The following MGAT5 variants were observed in gnomAD, a reference collection of about 807,000 sequenced individuals.
The protein encoded by MGAT5 is alpha-1,6-mannosylglycoprotein 6-beta-N-acetylglucosaminyltransferase A.
MGAT5 carries 30 observed loss-of-function variants against 94.3 expected under a neutral mutation model. The ratio of observed to expected loss-of-function variants is 0.32; its 90% CI spans 0.24 to 0.43. MGAT5 has a LOEUF of 0.43. MGAT5 is among the 20% of genes least tolerant of loss of function. The pLI is 1.00. For synonymous variants in MGAT5, 310 were observed against 322.9 expected (o/e 0.96, Z 0.43); for missense variants, 691 against 905.5 (o/e 0.76, Z 3.04).
intron 1 of MGAT5, among the ~76,000 whole-genome samples, chr2:134,177,651 C>T (rs776196213): frequency 1.3e-5 from 2 of 152,162 alleles, no homozygotes; most frequent in Non-Finnish European, 2.9e-5. Flanking sequence ...TAATCTATTA[C>T]GCCTGGGCAT....
At chr2:134,315,305 C>T (rs1686935224) in intron 2 of MGAT5, among the ~76,000 whole-genome samples, 2 of 152,174 alleles carry the variant, frequency 1.3e-5, no homozygotes, top group African/African-American at 4.8e-5. Flanking sequence ...CAACCCCAGG[C>T]TCTCATAGAC....
chr2:134,374,209 C>T (rs1268923035), intron 10 of MGAT5, among the ~76,000 whole-genome samples: 2 of 152,154 alleles, frequency 1.3e-5, no homozygotes, highest in African/African-American at 4.8e-5. Flanking sequence ...GGAAGTCTGA[C>T]CTCTTTCCGG....
Position 134,189,597 on chromosome 2 carries a change from T to G in MGAT5, c.-142-64665T>G, listed in dbSNP as rs374772456. 5.6e-4 allele frequency among the ~76,000 whole-genome samples: 49 copies of G among 87,192 alleles called. 3 individuals are homozygous for G. Among genetic ancestry groups the G allele is most frequent in the African/African-American group, 2.1e-3 (45 of 21,628 alleles). 57.2% of individuals were successfully genotyped at this position (87,192 alleles called of 152,430 possible). ...TGACTAACCTCATGGCTCTAGTTTTTTTTTGTTTTTTTTTTTTTTTTTTAA... is the reference window on the plus strand; with the variant it reads ...TGACTAACCTCATGGCTCTAGTTTTGTTTTGTTTTTTTTTTTTTTTTTTAA... On this transcript the variant is annotated intron_variant, in intron 1 of 16. Coordinates refer to the MGAT5 transcript ENST00000409645.
At chr2:134,398,788 G>A (rs1682862803) in intron 10 of MGAT5, among the ~76,000 whole-genome samples, 1 of 152,158 alleles carries the variant, frequency 6.6e-6, no homozygotes, top group Non-Finnish European at 1.5e-5. Context: ...GGATGGAGCT[G>A]GAGATCATTA....
chr2:134,284,882 A>G (rs1684911514), intron 2 of MGAT5, among the ~76,000 whole-genome samples: 1 of 152,178 alleles, frequency 6.6e-6, no homozygotes, highest in Non-Finnish European at 1.5e-5. Flanking sequence ...TAAAGATGAA[A>G]ATAGTTTAAG....
chr2:134,340,168 AG>A (rs1293527613), intron 6 of MGAT5, among the ~76,000 whole-genome samples: 1 of 152,200 alleles, frequency 6.6e-6, no homozygotes, highest in Non-Finnish European at 1.5e-5. Flanking sequence ...TTTCCTAGCT[AG>A]GGCCACTATC....
intron 12 of MGAT5, among the ~76,000 whole-genome samples, chr2:134,415,389 A>T (rs958997087): frequency 4.8e-4 from 73 of 152,186 alleles, no homozygotes; most frequent in African/African-American, 1.7e-3. Context: ...GCACCTTTTC[A>T]TATGTTTGTT....
chr2:134,208,518 AC>A (rs1463753556), intron 1 of MGAT5, among the ~76,000 whole-genome samples: 5 of 152,206 alleles, frequency 3.3e-5, no homozygotes, highest in African/African-American at 1.2e-4. Flanking sequence ...CTACTTAGGA[AC>A]ATTTTAAGTA....
At chr2:134,278,768 C>T (rs1446680461) in intron 2 of MGAT5, among the ~76,000 whole-genome samples, 1 of 152,218 alleles carries the variant, frequency 6.6e-6, no homozygotes, top group Non-Finnish European at 1.5e-5. Context: ...CCCCTGCCTG[C>T]AGTTTATTCA....
At chr2:134,313,091 C>T (rs1384483117) in intron 2 of MGAT5, among the ~76,000 whole-genome samples, 2 of 112,504 alleles carry the variant, frequency 1.8e-5, no homozygotes, top group African/African-American at 3.9e-5. Flanking sequence ...CACACACACA[C>T]ATATCTGTCT....
At chr2:134,387,159 G>A (rs551191177) in intron 10 of MGAT5, among the ~76,000 whole-genome samples, 1 of 151,558 alleles carries the variant, frequency 6.6e-6, no homozygotes, top group African/African-American at 2.4e-5. Context: ...TACTCGGGAG[G>A]CTGAGGCAGG....
chr2:134,380,365 G>A (rs555980414), intron 10 of MGAT5, among the ~76,000 whole-genome samples: 3 of 152,308 alleles, frequency 2.0e-5, no homozygotes, highest in South Asian at 2.1e-4. Context: ...ACTGAAGTTA[G>A]CCTTTTAACG....
chr2:134,306,724 A>G (rs1189373067), intron 2 of MGAT5, among the ~76,000 whole-genome samples: 1 of 151,844 alleles, frequency 6.6e-6, no homozygotes, highest in Non-Finnish European at 1.5e-5. Context: ...GGCTTTGCTG[A>G]CTCTGTTTTT....
Position 134,412,973 on chromosome 2 carries a change from C to A in MGAT5, c.1635C>A (p.Ser545Arg). Reference protein sequence around the residue: ...LNPKFNPPKSSKNTDFFIGKP... With the variant: ...LNPKFNPPKSRKNTDFFIGKP... ...CCAAGTTCAACCCACCCAAAAGCAG[C>A]AAAAACACAGACTTTTTCATTGGCA... The change falls in exon 12 of 16, where the codon AGC (serine) becomes AGA (arginine). Residue 545 changes from serine to arginine, a missense_variant. Ser to Arg is a moderately radical substitution (Grantham distance 110, BLOSUM62 -1). Coordinates refer to ENST00000281923, the MANE Select transcript of MGAT5 (RefSeq NM_002410.5). The A allele has an allele frequency of 6.2e-7, 1 of 1,614,154 alleles. No homozygotes were observed. Among genetic ancestry groups the A allele is most frequent in the Non-Finnish European group, 8.5e-7 (1 of 1,180,012 alleles).
At chr2:134,239,207 C>G (rs1268602273) in intron 1 of MGAT5, among the ~76,000 whole-genome samples, 1 of 152,042 alleles carries the variant, frequency 6.6e-6, no homozygotes, top group Non-Finnish European at 1.5e-5. Flanking sequence ...ACCGTGTTAG[C>G]CAGGATGGTC....
intron 1 of MGAT5, among the ~76,000 whole-genome samples, chr2:134,169,581 T>C (rs953218018): frequency 2.6e-5 from 4 of 152,152 alleles, no homozygotes; most frequent in African/African-American, 7.2e-5. Flanking sequence ...AAAAATTACT[T>C]TGGGTGAAAT....
At chr2:134,430,134 T>C (rs1684804925) in intron 14 of MGAT5, among the ~76,000 whole-genome samples, 1 of 152,234 alleles carries the variant, frequency 6.6e-6, no homozygotes, top group South Asian at 2.1e-4. Context: ...TCTTAAGACA[T>C]CACAGCTCTT....
chr2:134,185,570 G>T (rs1033053431), intron 1 of MGAT5, among the ~76,000 whole-genome samples: 2 of 152,110 alleles, frequency 1.3e-5, no homozygotes, highest in Non-Finnish European at 2.9e-5. Context: ...TGCATATCTT[G>T]TTTCATTTCT....
At chr2:134,252,588 A>G (rs1440443221), upstream of MGAT5, among the ~76,000 whole-genome samples, 1 of 152,108 alleles carries the variant, frequency 6.6e-6, no homozygotes, top group Non-Finnish European at 1.5e-5. Flanking sequence ...GGGGCCTGAG[A>G]ATTCACATTT....
Sources: gnomAD v4.1 joint callset for allele counts (sites outside exome capture counted in the v4.1 genomes callset) on GRCh38, gnomAD v4.1.1 for gene constraint, MANE v1.5 for transcripts, NCBI Gene and HGNC (gene_info 2026-07-23, HGNC 2026-07-21) for gene names.